Variants in SDC3 observed in about 807,000 individuals in gnomAD.
SDC3 encodes syndecan 3.
Under a neutral mutation model 24.4 loss-of-function variants are expected in SDC3, and 13 were observed. The ratio of observed to expected loss-of-function variants is 0.53; its 90% CI spans 0.35 to 0.85. The LOEUF (loss-of-function observed/expected upper bound fraction) is 0.85. Ranked by LOEUF, SDC3 falls within the 40% of genes least tolerant of loss-of-function variation. The pLI is 0.01. For synonymous variants in SDC3, 295 were observed against 260.9 expected, an observed-to-expected ratio of 1.13 and a Z score of -1.26; for missense variants, 571 against 584.5, an observed-to-expected ratio of 0.98 and a Z score of 0.24.
rs6943 is a variant in SDC3 at position 30,869,743 on chromosome 1, G to T, written c.*3468C>A. ...ACAGGGGAGAGAAGGGGCAGGGAAG[G>T]CCTGGGGGAGGGAATGGCAGACCCC... is the stretch of plus-strand genomic sequence containing the variant. On this transcript the variant is annotated 3_prime_UTR_variant, in exon 5 of 5. Transcript: ENST00000339394. 71,537 of 398,456 alleles carry T rather than the reference G, an allele frequency of 0.18. 6,937 individuals are homozygous for T. Among genetic ancestry groups the T allele is most frequent in the South Asian group, 0.3 (2,340 of 7,844 alleles). The allele number at this position is 398,456 out of a possible 1,614,324, so 24.7% of individuals were successfully genotyped here. A position where few individuals can be genotyped will look rare whatever the true frequency, so the allele number is the denominator to read the frequency against.
At chr1:30,906,844 C>T (rs958117117) in intron 1 of SDC3, among the ~76,000 whole-genome samples, 4 of 152,176 alleles carry the variant, frequency 2.6e-5, no homozygotes, top group Admixed American at 6.5e-5. Context: ...GAGAAGGCGA[C>T]CCCAGCTGCT....
chr1:30,893,005 C>T (rs993633366), intron 1 of SDC3, among the ~76,000 whole-genome samples: 4 of 152,180 alleles, frequency 2.6e-5, no homozygotes, highest in African/African-American at 4.8e-5. Context: ...GGGAGCTCCA[C>T]CAGGGAAAGG....
intron 1 of SDC3, among the ~76,000 whole-genome samples, chr1:30,894,422 G>T (rs1372157320): frequency 1.8e-5 from 2 of 111,848 alleles, no homozygotes; most frequent in Admixed American, 1.8e-4. Context: ...GTGTGGGGGT[G>T]AGTGTGTGCA....
At position 30,876,123 on chromosome 1, in the gene SDC3, A is replaced by G. The variant is rs565505022; in HGVS notation, c.870+429T>C. ...GACTTCACGCTCACAATGAAATGATACACATTCTATTGTTTTCTCCTTTCC... is the reference window on the plus strand; with the variant it reads ...GACTTCACGCTCACAATGAAATGATGCACATTCTATTGTTTTCTCCTTTCC... On this transcript the variant is annotated intron_variant, in intron 3 of 4. Coordinates refer to ENST00000339394, the MANE Select transcript of SDC3 (RefSeq NM_014654.4). 8.4e-4 allele frequency among the ~76,000 whole-genome samples: 128 copies of G among 152,334 alleles called. 1 individual carries two copies. The highest frequency in any genetic ancestry group is 2.0e-3 in the Admixed American group (30 of 15,298).
chr1:30,878,406 C>T (rs965526745), intron 2 of SDC3: 118 of 509,664 alleles, frequency 2.3e-4, no homozygotes, highest in Middle Eastern at 5.1e-4. Context: ...GAGACCTGGA[C>T]ATTCTGGGCC....
chr1:30,878,521 C>A, intron 2 of SDC3, 102 bp downstream of exon 2: 3 of 883,320 alleles, frequency 3.4e-6, no homozygotes, highest in Non-Finnish European at 5.6e-6. Flanking sequence ...CAGTGAATGC[C>A]CCCTGCCTCA....
intron 2 of SDC3, chr1:30,877,618 G>A (rs1251386522): frequency 5.5e-5 from 13 of 237,908 alleles, no homozygotes; most frequent in South Asian, 1.2e-4. Flanking sequence ...AGGCAGAGGC[G>A]GAGGGTAAAA....
chr1:30,877,607 G>T, intron 2 of SDC3: 2 of 259,564 alleles, frequency 7.7e-6, no homozygotes. Context: ...GCTTCCCCCA[G>T]AGGCAGAGGC....
chr1:30,896,816 A>G (rs1638269308), intron 1 of SDC3, among the ~76,000 whole-genome samples: 1 of 152,190 alleles, frequency 6.6e-6, no homozygotes, highest in South Asian at 2.1e-4. Flanking sequence ...CCAAAATATT[A>G]GCCAGGCATG....
At chr1:30,893,833 T>C (rs1639943463) in intron 1 of SDC3, among the ~76,000 whole-genome samples, 1 of 152,082 alleles carries the variant, frequency 6.6e-6, no homozygotes, top group South Asian at 2.1e-4. Context: ...TGCTACCCCC[T>C]AGCCTGCCGG....
chr1:30,899,421 C>A (rs1478649003), intron 1 of SDC3, among the ~76,000 whole-genome samples: 1 of 152,066 alleles, frequency 6.6e-6, no homozygotes, highest in Non-Finnish European at 1.5e-5. Context: ...GTCACCCAGG[C>A]GAGAGTGCAG....
chr1:30,890,014 A>G (rs1639883378), intron 1 of SDC3, among the ~76,000 whole-genome samples: 1 of 152,352 alleles, frequency 6.6e-6, no homozygotes, highest in South Asian at 2.1e-4. Flanking sequence ...CAAAAGAAAA[A>G]AAAACTAATA....
Position 30,869,544 on chromosome 1 carries a change from A to C in SDC3, c.*3667T>G, listed in dbSNP as rs552047573. The C allele has an allele frequency of 2.1e-3, 828 of 387,030 alleles. 2 individuals carry two copies. The highest frequency in any genetic ancestry group is 5.4e-3 in the African/African-American group (248 of 46,234). 24.0% of individuals were successfully genotyped at this position (387,030 alleles called of 1,614,324 possible). A position where few individuals can be genotyped will look rare whatever the true frequency, so the allele number is the denominator to read the frequency against. On this transcript the variant is annotated 3_prime_UTR_variant, in exon 5 of 5. Transcript: ENST00000339394. The stretch of plus-strand genomic sequence containing the variant: ...TTAAAAAAACAAACAAACAAAAAAA[A>C]AAAAAAAAAAAAAAAAACAAAAACA...
In SDC3 at chr1:30,892,728, T is replaced by C. The variant is rs533897028; in HGVS notation, c.139-13988A>G. ...GTGAGCAGAGCAGTGTGCTGGACTC[T>C]GCGCCAAGTAAGCCCTAGCTCTTGC... On this transcript the variant is annotated intron_variant, in intron 1 of 4. Transcript: ENST00000339394. 9.2e-5 allele frequency among the ~76,000 whole-genome samples: 14 copies of C among 152,310 alleles called. No individual in the cohort carries two copies. The Middle Eastern group carries it at 0.014, about 148-fold the overall frequency.
intron 1 of SDC3, among the ~76,000 whole-genome samples, chr1:30,907,197 G>A (rs1638534535): frequency 6.6e-6 from 1 of 152,196 alleles, no homozygotes; most frequent in Non-Finnish European, 1.5e-5. Context: ...CATAGCTCCT[G>A]GAACCAACCT....
At position 30,876,832 on chromosome 1, in the gene SDC3, G is replaced by A. The variant is rs150843421; in HGVS notation, c.590C>T (p.Thr197Met). 1.5e-4 allele frequency: 247 copies of A among 1,611,628 alleles called. 1 individual carries two copies. The highest frequency in any genetic ancestry group is 8.5e-4 in the African/African-American group (64 of 74,918). ...TPSTPAAPPFTATTAVIRTTG... is the reference protein window; with the variant it reads ...TPSTPAAPPFMATTAVIRTTG... The stretch of plus-strand genomic sequence containing the variant: ...GGTCCTTATAACAGCAGTGGTGGCC[G>A]TAAAAGGGGGTGCTGCAGGGGTGCT... Residue 197 changes from threonine (T) to methionine (M), a missense_variant, in exon 3 of 5, where the codon ACG becomes ATG. Thr to Met is a moderately conservative substitution (Grantham distance 81, BLOSUM62 -1). Transcript: ENST00000339394.
chr1:30,876,441 G>T, intron 3 of SDC3, 111 bp downstream of exon 3: 1 of 913,326 alleles, frequency 1.1e-6, no homozygotes, highest in Non-Finnish European at 1.5e-6. Flanking sequence ...ACTTTGTCTG[G>T]CTCATCTCTA....
intron 1 of SDC3, among the ~76,000 whole-genome samples, chr1:30,890,975 G>C (rs1429711483): frequency 6.6e-6 from 1 of 152,210 alleles, no homozygotes; most frequent in Non-Finnish European, 1.5e-5. Context: ...GGCCAGTGGA[G>C]GGGGACAGGC....
chr1:30,872,267 G>A lies in SDC3; in HGVS notation c.*944C>T, dbSNP rs1222953334. On this transcript the variant is annotated 3_prime_UTR_variant, in exon 5 of 5. Coordinates refer to ENST00000339394, the MANE Select transcript of SDC3 (RefSeq NM_014654.4). ...GGTGCCAGAGTGTGGGTGTATTTGG[G>A]GTAGGAGGAGGCCACACTGTCACTG... 6.6e-6 allele frequency: 1 copy of A among 152,304 alleles called. No individual in the cohort carries two copies. The highest frequency in any genetic ancestry group is 2.4e-5 in the African/African-American group (1 of 41,450). 9.4% of individuals were successfully genotyped at this position (152,304 alleles called of 1,614,324 possible).
Sources: gnomAD v4.1 joint callset for allele counts (sites outside exome capture counted in the v4.1 genomes callset) on GRCh38, gnomAD v4.1.1 for gene constraint, MANE v1.5 for transcripts, NCBI Gene and HGNC (gene_info 2026-07-23, HGNC 2026-07-21) for gene names.